The following AGBL1 variants were observed in gnomAD, a reference collection of about 807,000 sequenced individuals.
AGBL1 encodes cytosolic carboxypeptidase 4.
Under a neutral mutation model 118.9 loss-of-function variants are expected in AGBL1, and 130 were observed. The observed-to-expected ratio is 1.09, with a 90% CI of 0.95 to 1.26. The LOEUF (loss-of-function observed/expected upper bound fraction) is 1.26. Among genes scored for constraint, AGBL1 ranks in the 50% most tolerant of loss-of-function variants. AGBL1 has a pLI of 0.00. For missense variants in AGBL1, 1,584 were observed against 1,298.1 expected (o/e 1.22, Z -3.38); for synonymous variants, 555 against 478.9 (o/e 1.16, Z -2.08).
At chr15:86,843,919 A>C (rs1401309675) in intron 22 of AGBL1, among the ~76,000 whole-genome samples, 1 of 152,142 alleles carries the variant, frequency 6.6e-6, no homozygotes, top group Non-Finnish European at 1.5e-5. Flanking sequence ...CCCAGCCCAG[A>C]CAACTACTAA....
rs118064436 is a variant in AGBL1 at position 86,954,668 on chromosome 15, G to A, written c.3222-33319G>A. On this transcript the variant is annotated intron_variant, in intron 23 of 24. Coordinates refer to the AGBL1 transcript ENST00000441037. The stretch of plus-strand genomic sequence containing the variant: ...TACTAGAAGGGGGGAAAGAAGAGGA[G>A]AGCATGGTTAGAAAAACTACCTATT... Among the ~76,000 whole-genome samples the A allele has an allele frequency of 3.1e-3, 471 of 152,228 alleles. 1 individual carries two copies. Among genetic ancestry groups the A allele is most frequent in the Non-Finnish European group, 5.4e-3 (365 of 68,020 alleles).
chr15:86,538,627 A>G (rs924936822), intron 19 of AGBL1, among the ~76,000 whole-genome samples: 3 of 152,190 alleles, frequency 2.0e-5, no homozygotes, highest in Non-Finnish European at 4.4e-5. Flanking sequence ...TTGGGTTTCC[A>G]TCATATTCTC....
chr15:87,017,274 CA>C (rs955172484), intron 24 of AGBL1, among the ~76,000 whole-genome samples: 1 of 151,700 alleles, frequency 6.6e-6, no homozygotes, highest in Non-Finnish European at 1.5e-5. Context: ...ATTCTGCTAC[CA>C]AAAAAAACCA....
chr15:86,711,808 A>C (rs560391851), intron 22 of AGBL1, among the ~76,000 whole-genome samples: 1 of 152,212 alleles, frequency 6.6e-6, no homozygotes, highest in South Asian at 2.1e-4. Flanking sequence ...AATATTTACT[A>C]TCTGGCACTT....
intron 1 of AGBL1, among the ~76,000 whole-genome samples, chr15:86,100,511 T>TTTA (rs965512280): frequency 6.6e-6 from 1 of 152,010 alleles, no homozygotes; most frequent in Non-Finnish European, 1.5e-5. Flanking sequence ...AGACTTTTTT[T>TTTA]TTATTATTAT....
intron 7 of AGBL1, among the ~76,000 whole-genome samples, chr15:86,248,170 A>G (rs1399488917): frequency 6.6e-6 from 1 of 152,126 alleles, no homozygotes; most frequent in Non-Finnish European, 1.5e-5. Context: ...TACAAAAATT[A>G]GCTGGGTGTG....
chr15:86,547,594 A>G (rs1164849788), intron 20 of AGBL1, among the ~76,000 whole-genome samples: 1 of 152,184 alleles, frequency 6.6e-6, no homozygotes, highest in South Asian at 2.1e-4. Flanking sequence ...GGCCCAGATT[A>G]GTGTCAGTTA....
intron 21 of AGBL1, among the ~76,000 whole-genome samples, chr15:86,573,066 G>A (rs2084033616): frequency 3.9e-5 from 6 of 152,104 alleles, no homozygotes; most frequent in Admixed American, 3.9e-4. Flanking sequence ...AATAATTAGA[G>A]GTTTTTATAT....
chr15:86,888,033 C>T (rs1648484538), intron 22 of AGBL1, among the ~76,000 whole-genome samples: 1 of 152,108 alleles, frequency 6.6e-6, no homozygotes. Flanking sequence ...CTCCGGCTGC[C>T]TCTACATGCC....
intron 17 of AGBL1, among the ~76,000 whole-genome samples, chr15:86,305,332 T>A (rs770722224): frequency 6.6e-6 from 1 of 152,276 alleles, no homozygotes; most frequent in South Asian, 2.1e-4. Flanking sequence ...GAAGGAAAGC[T>A]ACCGCCAGAT....
intron 22 of AGBL1, among the ~76,000 whole-genome samples, chr15:86,756,961 C>A (rs1218607409): frequency 3.4e-5 from 5 of 148,828 alleles, no homozygotes; most frequent in African/African-American, 1.2e-4. Context: ...TTTTTTTCTC[C>A]CCATCCTCTA....
chr15:86,510,042 A>G (rs2083035467), intron 18 of AGBL1, among the ~76,000 whole-genome samples: 1 of 151,844 alleles, frequency 6.6e-6, no homozygotes, highest in Non-Finnish European at 1.5e-5. Flanking sequence ...GAATTCCAAG[A>G]TGACTCTTGA....
chr15:86,759,420 A>G (rs2077991819), intron 22 of AGBL1, among the ~76,000 whole-genome samples: 1 of 152,118 alleles, frequency 6.6e-6, no homozygotes, highest in South Asian at 2.1e-4. Context: ...CTTCCTCATA[A>G]AGTTGAAAAG....
chr15:86,766,452 T>C (rs147136660), intron 22 of AGBL1, among the ~76,000 whole-genome samples: 65 of 152,122 alleles, frequency 4.3e-4, no homozygotes, highest in African/African-American at 1.4e-3. Context: ...AAGTTAATAA[T>C]TGATGTTATC....
chr15:86,955,423 G>A (rs1476294562), intron 23 of AGBL1, among the ~76,000 whole-genome samples: 1 of 151,808 alleles, frequency 6.6e-6, no homozygotes, highest in Non-Finnish European at 1.5e-5. Flanking sequence ...TGAAACAAAG[G>A]AGCCAAGAAT....
chr15:86,472,237 T>C (rs1172414451), intron 18 of AGBL1, among the ~76,000 whole-genome samples: 1 of 152,200 alleles, frequency 6.6e-6, no homozygotes, highest in Non-Finnish European at 1.5e-5. Flanking sequence ...AGGAAACTAG[T>C]CCAGATGACT....
intron 20 of AGBL1, among the ~76,000 whole-genome samples, chr15:86,551,212 C>T (rs911267502): frequency 6.6e-6 from 1 of 151,686 alleles, no homozygotes; most frequent in African/African-American, 2.4e-5. Context: ...TAAGAAAGAA[C>T]AAAATAAAAG....
chr15:86,441,177 T>G (rs2082060322), intron 18 of AGBL1, among the ~76,000 whole-genome samples: 1 of 152,232 alleles, frequency 6.6e-6, no homozygotes, highest in Admixed American at 6.5e-5. Context: ...TTGTGCCACG[T>G]GACTGTACTA....
chr15:86,247,469 G>T (rs2078739424), intron 6 of AGBL1, among the ~76,000 whole-genome samples: 1 of 152,198 alleles, frequency 6.6e-6, no homozygotes, highest in African/African-American at 2.4e-5. Flanking sequence ...ATCATATCGG[G>T]TGGCACGTGA....
Sources: gnomAD v4.1 joint callset for allele counts (sites outside exome capture counted in the v4.1 genomes callset) on GRCh38, gnomAD v4.1.1 for gene constraint, MANE v1.5 for transcripts, NCBI Gene and HGNC (gene_info 2026-07-23, HGNC 2026-07-21) for gene names.